FAAH2: variants seen among roughly 807,000 people sequenced by gnomAD.
FAAH2 encodes fatty acid amide hydrolase 2, also known as fatty-acid amide hydrolase 2.
FAAH2 carries 60 observed loss-of-function variants against 36.9 expected under a neutral mutation model. The ratio of observed to expected loss-of-function variants is 1.63; its 90% CI spans 1.32 to 2.02. FAAH2 has a LOEUF of 2.02. FAAH2 is among the 30% of genes most tolerant of loss of function. The pLI, the probability that FAAH2 is intolerant of heterozygous loss-of-function variation, is 0.00. For missense variants in FAAH2, 689 were observed against 397.5 expected, an observed-to-expected ratio of 1.73 and a Z score of -6.23; for synonymous variants, 214 against 143.8, an observed-to-expected ratio of 1.49 and a Z score of -3.49.
Position 57,467,184 on chromosome X carries a change from G to A in FAAH2, c.1423+18466G>A, listed in dbSNP as rs1299583143. Reference sequence around the variant, plus strand: ...AGCTCCCAGCATGAGCGACGCAGAAGATGGGTGACTTCTGCATTTCCAACT... The same window carrying A: ...AGCTCCCAGCATGAGCGACGCAGAAAATGGGTGACTTCTGCATTTCCAACT... On this transcript the variant is annotated intron_variant, in intron 10 of 10. Transcript: ENST00000374900. Among the ~76,000 whole-genome samples the A allele has an allele frequency of 1.8e-5, 2 of 111,580 alleles. 1 individual carries two copies. Among genetic ancestry groups the A allele is most frequent in the Middle Eastern group, 8.4e-3 (2 of 238 alleles).
intron 7 of FAAH2, among the ~76,000 whole-genome samples, chrX:57,385,627 C>A (rs1390552201): frequency 9.0e-6 from 1 of 111,686 alleles, no homozygotes; most frequent in African/African-American, 3.3e-5. Flanking sequence ...TCTTTAGGGC[C>A]CCCCTCTTAA....
the FAAH2 span, among the ~76,000 whole-genome samples, chrX:57,234,867 G>A: frequency 9.0e-6 from 1 of 111,641 alleles, no homozygotes; most frequent in Non-Finnish European, 1.9e-5. Context: ...GCAAAACTCT[G>A]TCTCTACTCA....
chrX:57,129,670 C>T, the FAAH2 span, among the ~76,000 whole-genome samples: 5 of 112,242 alleles, frequency 4.5e-5, no homozygotes, highest in East Asian at 1.4e-3. Flanking sequence ...TTGTAACTAG[C>T]AGCTAGATAT....
intron 10 of FAAH2, among the ~76,000 whole-genome samples, chrX:57,461,030 C>A (rs915745373): frequency 9.1e-6 from 1 of 110,185 alleles, no homozygotes; most frequent in Non-Finnish European, 1.9e-5. Flanking sequence ...GACTGCAAAC[C>A]AACAATGACC....
chrX:57,183,874 C>T, the FAAH2 span, among the ~76,000 whole-genome samples: 1 of 110,631 alleles, frequency 9.0e-6, no homozygotes, highest in Non-Finnish European at 1.9e-5. Context: ...TATAAATGGA[C>T]GTGCAAGTAG....
chrX:57,193,390 T>G, the FAAH2 span, among the ~76,000 whole-genome samples: 1 of 111,869 alleles, frequency 8.9e-6, no homozygotes, highest in Non-Finnish European at 1.9e-5. Context: ...TGCCTGAAAC[T>G]TCATTAGCAA....
intron 2 of FAAH2, among the ~76,000 whole-genome samples, chrX:57,299,741 A>T (rs1186150919): frequency 8.9e-6 from 1 of 112,139 alleles, no homozygotes; most frequent in Admixed American, 9.5e-5. Context: ...TTAAGCTAAT[A>T]TGCAACTTCA....
At position 57,295,139 on chromosome X, in the gene FAAH2, A is replaced by T. The variant is rs749260923; in HGVS notation, c.275+2559A>T. 2.0e-4 allele frequency among the ~76,000 whole-genome samples: 22 copies of T among 111,798 alleles called. No individual in the cohort carries two copies. The South Asian group carries it at 8.3e-3, about 42-fold the overall frequency. Reference sequence around the variant, plus strand: ...TGCTGCTTCTACCTCAGAAACTTTGAAAGGGGACCTCATATTCAGAGCTGT... The same window carrying T: ...TGCTGCTTCTACCTCAGAAACTTTGTAAGGGGACCTCATATTCAGAGCTGT... On this transcript the variant is annotated intron_variant, in intron 2 of 10. Coordinates refer to ENST00000374900, the MANE Select transcript of FAAH2 (RefSeq NM_174912.4).
the FAAH2 span, among the ~76,000 whole-genome samples, chrX:57,143,314 T>C: frequency 1.8e-5 from 2 of 111,030 alleles, no homozygotes; most frequent in Admixed American, 1.9e-4. Context: ...CTTGCAAGAC[T>C]ATTCTAACGA....
chrX:57,192,281 G>T, the FAAH2 span, among the ~76,000 whole-genome samples: 1 of 111,628 alleles, frequency 9.0e-6, no homozygotes, highest in Non-Finnish European at 1.9e-5. Context: ...ATATAAATAT[G>T]CAACTGATTT....
chrX:57,227,283 C>A, the FAAH2 span, among the ~76,000 whole-genome samples: 3 of 111,175 alleles, frequency 2.7e-5, no homozygotes, highest in Non-Finnish European at 5.7e-5. Context: ...TAGACTCTGT[C>A]AGAGGGAAGG....
rs201267649 is a variant in FAAH2 at position 57,341,286 on chromosome X, C to T, written c.638C>T (p.Thr213Ile). Residue 213 changes from threonine to isoleucine, a missense_variant, in exon 5 of 11, where the codon ACA becomes ATA. Physicochemically the swap from Thr to Ile is moderately conservative, Grantham distance 89. Coordinates refer to ENST00000374900, the MANE Select transcript of FAAH2 (RefSeq NM_174912.4). Reference protein sequence around the residue: ...VGGSSGGEGCTLAAACSVIGV... With the variant: ...VGGSSGGEGCILAAACSVIGV... ...TTTCTTGTAGGTGGTGAGGGCTGCA[C>T]ACTGGCAGCTGCCTGCTCAGTTATT... The T allele has an allele frequency of 7.5e-6, 9 of 1,206,330 alleles. No individual in the cohort carries two copies. Among genetic ancestry groups the T allele is most frequent in the Middle Eastern group, 2.3e-4 (1 of 4,335 alleles).
At chrX:57,365,349 G>A (rs191688352) in intron 5 of FAAH2, among the ~76,000 whole-genome samples, 73 of 111,838 alleles carry the variant, frequency 6.5e-4, no homozygotes, top group Non-Finnish European at 1.2e-3. Context: ...TTCATGGTTG[G>A]AATTTCTTTT....
chrX:57,259,629 G>A, the FAAH2 span, among the ~76,000 whole-genome samples: 3 of 111,548 alleles, frequency 2.7e-5, no homozygotes, highest in Non-Finnish European at 5.7e-5. Context: ...GGTTAGAGGT[G>A]GGGGAAATAG....
chrX:57,448,455 A>G, intron 9 of FAAH2, 69 bp from the exon 10 acceptor site: 9 of 978,518 alleles, frequency 9.2e-6, no homozygotes, highest in Non-Finnish European at 1.2e-5. Flanking sequence ...TGAATAAGAA[A>G]AGATAAAGAA....
chrX:57,380,753 T>A (rs984677629), intron 6 of FAAH2, among the ~76,000 whole-genome samples, 159 bp from the exon 7 acceptor site: 2 of 112,220 alleles, frequency 1.8e-5, no homozygotes, highest in Non-Finnish European at 1.9e-5. Flanking sequence ...GTACATTTTT[T>A]AAATGCAAAT....
At chrX:57,177,635 A>T in the FAAH2 span, among the ~76,000 whole-genome samples, 1 of 58,194 alleles carries the variant, frequency 1.7e-5, no homozygotes, top group Non-Finnish European at 2.6e-5. Context: ...ATGAAACCTG[A>T]TGACTGAAAA....
the FAAH2 span, among the ~76,000 whole-genome samples, chrX:57,153,647 T>C: frequency 8.9e-6 from 1 of 112,411 alleles, no homozygotes; most frequent in Admixed American, 9.4e-5. Context: ...GATACAAAAT[T>C]CTTGGCTTGT....
rs138028065 is a variant in FAAH2 at position 57,475,667 on chromosome X, G to T, written c.1424-13090G>T. Among the ~76,000 whole-genome samples, 1,116 of 111,823 alleles carry T rather than the reference G, an allele frequency of 1.0e-2. 13 individuals carry two copies. The highest frequency in any genetic ancestry group is 0.034 in the African/African-American group (1,056 of 30,807). On this transcript the variant is annotated intron_variant, in intron 10 of 10. Transcript: ENST00000374900. ...GTTCTTTTTGCTTAGGATTGCCGTA[G>T]CTAAATGGGCTCTTTTCTGGTTCCA...
Sources: allele counts gnomAD v4.1 joint callset (sites outside exome capture counted in the v4.1 genomes callset), GRCh38; gene constraint gnomAD v4.1.1; transcripts MANE v1.5; gene names NCBI Gene and HGNC (gene_info 2026-07-23, HGNC 2026-07-21).